PDS5B: variants seen among roughly 807,000 people sequenced by gnomAD.
PDS5B encodes sister chromatid cohesion protein PDS5 homolog B.
Under a neutral mutation model 184.1 loss-of-function variants are expected in PDS5B, and 51 were observed. The observed-to-expected ratio is 0.28, with a 90% CI of 0.22 to 0.35. PDS5B has a LOEUF of 0.35. Ranked by LOEUF, PDS5B falls within the 10% of genes least tolerant of loss-of-function variation. The probability of loss-of-function intolerance (pLI) is 1.00; values close to 1 mark genes in which losing one functional copy is unlikely to be tolerated. For missense variants in PDS5B, 1,180 were observed against 1,723.3 expected, an observed-to-expected ratio of 0.68 and a Z score of 5.58; for synonymous variants, 566 against 569.2, an observed-to-expected ratio of 0.99 and a Z score of 0.08.
chr13:32,764,473 A>T lies in PDS5B; in HGVS notation c.3519-16A>T, dbSNP rs755368574. 7.1e-7 allele frequency: 1 copy of T among 1,417,590 alleles called. No individual in the cohort carries two copies. The highest frequency in any genetic ancestry group is 9.7e-7 in the Non-Finnish European group (1 of 1,025,900). 87.8% of individuals were successfully genotyped at this position (1,417,590 alleles called of 1,614,324 possible). A position where few individuals can be genotyped will look rare whatever the true frequency, so the allele number is the denominator to read the frequency against. On this transcript the variant is annotated splice_polypyrimidine_tract_variant and intron_variant, in intron 30 of 34. Transcript: ENST00000315596. ...TATTTGATTGTAATAACAATTACAA[A>T]TGTCTGTATTAAAAGGCTTGATAGT...
chr13:32,777,059 G>C lies in PDS5B; in HGVS notation c.*2007G>C, dbSNP rs1043940817. The C allele has an allele frequency of 6.6e-6, 1 of 152,044 alleles. No individual in the cohort carries two copies. The highest frequency in any genetic ancestry group is 2.4e-5 in the African/African-American group (1 of 41,418). The allele number at this position is 152,044 out of a possible 1,614,324, so 9.4% of individuals were successfully genotyped here. A position where few individuals can be genotyped will look rare whatever the true frequency, so the allele number is the denominator to read the frequency against. Reference sequence around the variant, plus strand: ...CATGTTTTAAAATCTATAACATAAAGAATAAGGAATAGCTTTGTATTTTTG... The same window carrying C: ...CATGTTTTAAAATCTATAACATAAACAATAAGGAATAGCTTTGTATTTTTG... On this transcript the variant is annotated 3_prime_UTR_variant, in exon 35 of 35. Coordinates refer to ENST00000315596, the MANE Select transcript of PDS5B (RefSeq NM_015032.4).
intron 16 of PDS5B, among the ~76,000 whole-genome samples, chr13:32,700,313 C>G (rs1026572948): frequency 2.0e-5 from 3 of 151,986 alleles, no homozygotes. Context: ...ATTTTTAAAG[C>G]CTTTAATATG....
intron 1 of PDS5B, among the ~76,000 whole-genome samples, chr13:32,630,508 C>T (rs950222441): frequency 6.6e-6 from 1 of 152,074 alleles, no homozygotes; most frequent in Non-Finnish European, 1.5e-5. Context: ...TGGCAAAAAA[C>T]GTGAGAGTGC....
intron 23 of PDS5B, among the ~76,000 whole-genome samples, chr13:32,742,931 A>C (rs530831930): frequency 6.6e-6 from 1 of 150,950 alleles, no homozygotes; most frequent in African/African-American, 2.4e-5. Flanking sequence ...ACTGTTATAC[A>C]TTGTAAATAT....
chr13:32,664,301 TAAG>T (rs1438712205), intron 6 of PDS5B, among the ~76,000 whole-genome samples: 1 of 151,896 alleles, frequency 6.6e-6, no homozygotes, highest in East Asian at 1.9e-4. Flanking sequence ...ATAGAAAATA[TAAG>T]AACATTCTAG....
At position 32,633,316 on chromosome 13, in the gene PDS5B, T is replaced by C. The variant is rs557010619; in HGVS notation, c.-19-15438T>C. Among the ~76,000 whole-genome samples the C allele has an allele frequency of 9.3e-4, 142 of 152,224 alleles. 1 individual carries two copies. The highest frequency in any genetic ancestry group is 3.2e-3 in the African/African-American group (132 of 41,472). ...TAAATGGTAGATTCTATGTTACATA[T>C]ATTTTACATAAAAAAAGTATTAGAT... On this transcript the variant is annotated intron_variant, in intron 1 of 34. Transcript: ENST00000315596.
At chr13:32,772,293 A>G (rs759908245) in intron 33 of PDS5B, among the ~76,000 whole-genome samples, 4 of 152,216 alleles carry the variant, frequency 2.6e-5, no homozygotes, top group Admixed American at 6.6e-5. Flanking sequence ...TGGTTCTATT[A>G]CATATTTTTT....
intron 19 of PDS5B, among the ~76,000 whole-genome samples, chr13:32,719,461 G>C (rs1020947176): frequency 1.3e-5 from 2 of 152,102 alleles, no homozygotes; most frequent in African/African-American, 4.8e-5. Flanking sequence ...GGGATTACAG[G>C]CATGAGCCAC....
intron 21 of PDS5B, among the ~76,000 whole-genome samples, chr13:32,740,336 A>G (rs1953494512): frequency 6.6e-6 from 1 of 152,082 alleles, no homozygotes; most frequent in African/African-American, 2.4e-5. Context: ...TTCCTTTTTC[A>G]TTATTTTTAC....
chr13:32,706,924 C>A lies in PDS5B; in HGVS notation c.1857-10C>A. On this transcript the variant is annotated splice_polypyrimidine_tract_variant and intron_variant, in intron 17 of 34. Transcript: ENST00000315596. ...CATTTGAAAAAATGACTTTTTTGGT[C>A]ATATTTTAGTGCTCTTATTAAACAA... The A allele has an allele frequency of 2.6e-6, 4 of 1,562,360 alleles. No individual in the cohort carries two copies. In the South Asian group the frequency reaches 4.7e-5, roughly 18 times the overall value.
intron 21 of PDS5B, among the ~76,000 whole-genome samples, chr13:32,738,499 G>T (rs1032617304): frequency 2.6e-5 from 4 of 151,926 alleles, no homozygotes; most frequent in Non-Finnish European, 4.4e-5. Flanking sequence ...ATTCCCTTTT[G>T]ATGTATTTTA....
intron 8 of PDS5B, 71 bp downstream of exon 8, chr13:32,673,427 T>G: frequency 2.3e-6 from 3 of 1,294,276 alleles, no homozygotes; most frequent in Non-Finnish European, 3.2e-6. Context: ...AGCTTTTTAA[T>G]TTTTACAGTA....
chr13:32,674,017 G>A (rs1040860380), intron 8 of PDS5B, among the ~76,000 whole-genome samples: 1 of 151,972 alleles, frequency 6.6e-6, no homozygotes, highest in Non-Finnish European at 1.5e-5. Context: ...GTTTCACCAT[G>A]TTGGCCAGGC....
At chr13:32,602,735 T>C (rs1566238221) in intron 1 of PDS5B, among the ~76,000 whole-genome samples, 1 of 152,220 alleles carries the variant, frequency 6.6e-6, no homozygotes, top group Non-Finnish European at 1.5e-5. Context: ...TGTTCCTATT[T>C]CTCCACATCC....
intron 27 of PDS5B, 42 bp from the exon 28 acceptor site, chr13:32,758,492 G>T: frequency 1.3e-6 from 2 of 1,575,754 alleles, no homozygotes; most frequent in South Asian, 2.3e-5. Flanking sequence ...AGTCTAGATT[G>T]CCAGCTTAAG....
chr13:32,610,989 C>T (rs2058132838), intron 1 of PDS5B, among the ~76,000 whole-genome samples: 1 of 151,222 alleles, frequency 6.6e-6, no homozygotes, highest in Non-Finnish European at 1.5e-5. Flanking sequence ...CTTTTTAGAG[C>T]CATCTTTTTT....
chr13:32,632,962 G>C (rs551030304), intron 1 of PDS5B, among the ~76,000 whole-genome samples: 1 of 152,140 alleles, frequency 6.6e-6, no homozygotes, highest in African/African-American at 2.4e-5. Flanking sequence ...TTAGCCAGGC[G>C]TGGTGGCGCG....
chr13:32,601,991 A>G (rs1236712927), intron 1 of PDS5B, among the ~76,000 whole-genome samples: 1 of 152,222 alleles, frequency 6.6e-6, no homozygotes, highest in Non-Finnish European at 1.5e-5. Context: ...TGTAAATGTA[A>G]CTGTAAGAAG....
At chr13:32,676,775 C>CA (rs1951075940) in intron 9 of PDS5B, among the ~76,000 whole-genome samples, 1 of 151,578 alleles carries the variant, frequency 6.6e-6, no homozygotes, top group African/African-American at 2.4e-5. Flanking sequence ...ATTAAAAATA[C>CA]AAAAAATTAG....
Sources: gnomAD v4.1 joint callset for allele counts (sites outside exome capture counted in the v4.1 genomes callset) on GRCh38, gnomAD v4.1.1 for gene constraint, MANE v1.5 for transcripts, NCBI Gene and HGNC (gene_info 2026-07-23, HGNC 2026-07-21) for gene names.